Variants in FAM107B observed in about 807,000 individuals in gnomAD.
FAM107B encodes protein FAM107B.
FAM107B carries 21 observed loss-of-function variants against 31.5 expected under a neutral mutation model. That is an observed-to-expected ratio of 0.67 (90% confidence interval 0.47 to 0.96). FAM107B has a LOEUF of 0.96. Ranked by LOEUF, FAM107B falls within the 40% of genes least tolerant of loss-of-function variation. The probability of loss-of-function intolerance (pLI) is 0.00; values close to 1 mark genes in which losing one functional copy is unlikely to be tolerated. For missense variants in FAM107B, 452 were observed against 377.1 expected (o/e 1.20, Z -1.64); for synonymous variants, 157 against 141.5 (o/e 1.11, Z -0.78).
chr10:14,629,765 G>A (rs544082729), intron 2 of FAM107B, among the ~76,000 whole-genome samples: 21 of 149,976 alleles, frequency 1.4e-4, no homozygotes, highest in South Asian at 2.1e-4. Context: ...TGCATGCCTC[G>A]GCCTCCCAAA....
chr10:14,598,452 A>T (rs747463847), intron 2 of FAM107B, among the ~76,000 whole-genome samples: 1 of 152,188 alleles, frequency 6.6e-6, no homozygotes, highest in Non-Finnish European at 1.5e-5. Flanking sequence ...CCAGGCACAG[A>T]AGGACAAATA....
intron 2 of FAM107B, chr10:14,556,487 A>T (rs1010789019): frequency 1.1e-6 from 1 of 889,872 alleles, no homozygotes; most frequent in Non-Finnish European, 1.3e-6. Flanking sequence ...TCAAGCCCCG[A>T]CCTAACGAGA....
intron 2 of FAM107B, among the ~76,000 whole-genome samples, chr10:14,551,380 G>A (rs771725819): frequency 2.0e-5 from 3 of 152,048 alleles, no homozygotes; most frequent in Non-Finnish European, 4.4e-5. Context: ...CCTGACCTCA[G>A]GTGATCTGCC....
chr10:14,558,299 A>C (rs1849892743), intron 2 of FAM107B, among the ~76,000 whole-genome samples: 1 of 148,946 alleles, frequency 6.7e-6, no homozygotes. Flanking sequence ...ACATACACGC[A>C]CACACGCACA....
At position 14,519,428 on chromosome 10, in the gene FAM107B, C is replaced by CCTTTTCAAG; in HGVS notation, c.*1761_*1762insCTTGAAAAG. ...AAATGGGCTTTTCAAGATCATCAGT[C>CCTTTTCAAG]ATCACACTTCCTTCTCTCAAAAGAA... On this transcript the variant is annotated 3_prime_UTR_variant, in exon 5 of 5. Coordinates refer to ENST00000181796, the MANE Select transcript of FAM107B (RefSeq NM_031453.4). 6.6e-6 allele frequency: 1 copy of CCTTTTCAAG among 152,286 alleles called. No homozygotes were observed. Among genetic ancestry groups the CCTTTTCAAG allele is most frequent in the South Asian group, 2.1e-4 (1 of 4,822 alleles). 9.4% of individuals were successfully genotyped at this position (152,286 alleles called of 1,614,324 possible). A position where few individuals can be genotyped will look rare whatever the true frequency, so the allele number is the denominator to read the frequency against.
chr10:14,662,728 T>C (rs755277), intron 2 of FAM107B, among the ~76,000 whole-genome samples: 30,127 of 152,162 alleles, frequency 0.2, 3,476 homozygotes, highest in South Asian at 0.27. Context: ...CCAATGTGTA[T>C]GTGCCTGAGT....
At chr10:14,636,319 G>C (rs575248152) in intron 2 of FAM107B, among the ~76,000 whole-genome samples, 1 of 150,064 alleles carries the variant, frequency 6.7e-6, no homozygotes, top group African/African-American at 2.5e-5. Context: ...GTGAGAGAGA[G>C]AGCAAGTGAG....
intron 2 of FAM107B, among the ~76,000 whole-genome samples, chr10:14,589,379 ATTAC>A (rs1322575042): frequency 2.0e-5 from 3 of 152,188 alleles, no homozygotes; most frequent in Non-Finnish European, 4.4e-5. Flanking sequence ...GCCAGGCACA[ATTAC>A]CAATTATTCA....
intron 2 of FAM107B, among the ~76,000 whole-genome samples, chr10:14,633,281 G>C (rs1286752629): frequency 6.6e-6 from 1 of 151,442 alleles, no homozygotes; most frequent in Non-Finnish European, 1.5e-5. Flanking sequence ...ATTTACATAA[G>C]TCTTTAATTG....
chr10:14,589,092 G>A (rs1268913683), intron 2 of FAM107B, among the ~76,000 whole-genome samples: 1 of 150,066 alleles, frequency 6.7e-6, no homozygotes. Context: ...TGAGGCAGGA[G>A]AATCACTTGA....
chr10:14,745,469 T>A (rs1408096775), intron 1 of FAM107B, among the ~76,000 whole-genome samples: 3 of 152,168 alleles, frequency 2.0e-5, no homozygotes, highest in Admixed American at 6.5e-5. Flanking sequence ...AACACTACTT[T>A]AGCTGCATCC....
chr10:14,617,034 G>T (rs904532768), intron 2 of FAM107B, among the ~76,000 whole-genome samples: 1 of 151,904 alleles, frequency 6.6e-6, no homozygotes, highest in African/African-American at 2.4e-5. Context: ...AAAAGGAGAG[G>T]AGCAATAGGA....
chr10:14,523,897 C>G (rs947033957), intron 3 of FAM107B, among the ~76,000 whole-genome samples: 1 of 145,968 alleles, frequency 6.9e-6, no homozygotes, highest in Non-Finnish European at 1.5e-5. Flanking sequence ...GAGACAGGCT[C>G]TCTCTGTTGC....
At chr10:14,606,734 T>G (rs577221618) in intron 2 of FAM107B, among the ~76,000 whole-genome samples, 103 of 152,034 alleles carry the variant, frequency 6.8e-4, no homozygotes, top group Non-Finnish European at 1.0e-3. Flanking sequence ...TTCCCCACTC[T>G]CTCTTTCTCT....
chr10:14,709,219 A>G (rs1168560395), intron 1 of FAM107B, among the ~76,000 whole-genome samples: 1 of 152,244 alleles, frequency 6.6e-6, no homozygotes, highest in East Asian at 1.9e-4. Context: ...CTGGAAACGT[A>G]TGTCCACACA....
intron 2 of FAM107B, among the ~76,000 whole-genome samples, chr10:14,605,237 G>GTTT (rs1245156695): frequency 6.6e-6 from 1 of 152,182 alleles, no homozygotes; most frequent in Non-Finnish European, 1.5e-5. Flanking sequence ...GAAAGAAAGG[G>GTTT]TTTATTCCGC....
intron 2 of FAM107B, among the ~76,000 whole-genome samples, chr10:14,574,850 G>A (rs1051227249): frequency 7.9e-5 from 12 of 152,128 alleles, no homozygotes; most frequent in East Asian, 1.9e-4. Context: ...TTCGTAATTC[G>A]TGTATAATTG....
intron 2 of FAM107B, among the ~76,000 whole-genome samples, chr10:14,543,135 GA>G (rs1848377657): frequency 6.6e-6 from 1 of 152,098 alleles, no homozygotes; most frequent in South Asian, 2.1e-4. Flanking sequence ...GATGAAATCT[GA>G]AATTCAAGGA....
intron 1 of FAM107B, among the ~76,000 whole-genome samples, chr10:14,696,037 G>A (rs1855257079): frequency 1.3e-5 from 2 of 152,202 alleles, no homozygotes; most frequent in African/African-American, 4.8e-5. Flanking sequence ...AAGTGAGAGT[G>A]GGCATCCTTA....
Sources: allele counts gnomAD v4.1 joint callset (sites outside exome capture counted in the v4.1 genomes callset), GRCh38; gene constraint gnomAD v4.1.1; transcripts MANE v1.5; gene names NCBI Gene and HGNC (gene_info 2026-07-23, HGNC 2026-07-21).